PRIMPOL: variants seen among roughly 807,000 people sequenced by gnomAD.
The protein encoded by PRIMPOL is DNA-directed primase/polymerase protein.
Under a neutral mutation model 63.6 loss-of-function variants are expected in PRIMPOL, and 54 were observed. That is an observed-to-expected ratio of 0.85 (90% confidence interval 0.68 to 1.07). The LOEUF (loss-of-function observed/expected upper bound fraction) is 1.07, where lower values mean the gene tolerates loss of function less well. Ranked by LOEUF, PRIMPOL falls within the 50% of genes least tolerant of loss-of-function variation. The probability of loss-of-function intolerance (pLI) is 0.00; values close to 1 mark genes in which losing one functional copy is unlikely to be tolerated. For missense variants in PRIMPOL, 610 were observed against 648.3 expected (o/e 0.94, Z 0.64); for synonymous variants, 197 against 220.2 (o/e 0.89, Z 0.93).
At chr4:184,671,985 C>T (rs1751876047) in intron 6 of PRIMPOL, among the ~76,000 whole-genome samples, 188 bp from the exon 7 acceptor site, 2 of 152,170 alleles carry the variant, frequency 1.3e-5, no homozygotes, top group African/African-American at 4.8e-5. Flanking sequence ...TGTGATCCGC[C>T]CGCCTCGGCC....
chr4:184,668,617 AT>A (rs1322213000), intron 6 of PRIMPOL, among the ~76,000 whole-genome samples: 1 of 151,980 alleles, frequency 6.6e-6, no homozygotes, highest in Non-Finnish European at 1.5e-5. Context: ...GCCTGTTAGG[AT>A]TCTGTAGACG....
intron 2 of PRIMPOL, among the ~76,000 whole-genome samples, chr4:184,654,389 G>T (rs1041481271): frequency 1.3e-5 from 2 of 151,396 alleles, no homozygotes; most frequent in South Asian, 4.2e-4. Context: ...GCAGATCAAA[G>T]TAACTGAATA....
chr4:184,674,656 T>C (rs969269717), intron 7 of PRIMPOL, among the ~76,000 whole-genome samples: 18 of 152,340 alleles, frequency 1.2e-4, no homozygotes, highest in Middle Eastern at 3.4e-3. Context: ...GGAAGCCTCA[T>C]TGATAACATA....
Position 184,672,341 on chromosome 4 carries a change from G to A in PRIMPOL, c.725G>A (p.Ser242Asn). The A allele has an allele frequency of 6.2e-7, 1 of 1,614,188 alleles. No individual in the cohort carries two copies. Among genetic ancestry groups the A allele is most frequent in the African/African-American group, 1.3e-5 (1 of 75,060 alleles). Residue 242 changes from serine (S) to asparagine (N), a missense_variant, in exon 7 of 14, where the codon AGC (serine) becomes AAC (asparagine). Ser to Asn is a conservative substitution (Grantham distance 46). Transcript: ENST00000314970. ...TTCACAGAAAAGGCTACAGAGGAAAGCTGGACATCGAATTCAAAGAAACTG... is the reference window on the plus strand; with the variant it reads ...TTCACAGAAAAGGCTACAGAGGAAAACTGGACATCGAATTCAAAGAAACTG... ...KMFTEKATEE[S>N]WTSNSKKLER...
intron 1 of PRIMPOL, among the ~76,000 whole-genome samples, 185 bp from the exon 2 acceptor site, chr4:184,651,838 G>A (rs1293989311): frequency 6.6e-6 from 1 of 152,132 alleles, no homozygotes; most frequent in African/African-American, 2.4e-5. Flanking sequence ...TAGTAGAGAT[G>A]GGGTTTCACC....
intron 8 of PRIMPOL, among the ~76,000 whole-genome samples, chr4:184,681,909 C>A (rs920448061): frequency 1.2e-4 from 19 of 152,108 alleles, no homozygotes; most frequent in African/African-American, 4.6e-4. Context: ...TACTTTTGAT[C>A]TGCTGTTGGT....
chr4:184,690,311 CAT>C (rs1254958259), intron 11 of PRIMPOL, among the ~76,000 whole-genome samples: 2 of 151,558 alleles, frequency 1.3e-5, no homozygotes, highest in African/African-American at 2.4e-5. Flanking sequence ...TTCTTAAAAA[CAT>C]ATGATGCATT....
rs1370053664 is a variant in PRIMPOL at position 184,694,936 on chromosome 4, A to G, written c.*157A>G. 3.2e-6 allele frequency: 2 copies of G among 622,266 alleles called. No individual in the cohort carries two copies. Among genetic ancestry groups the G allele is most frequent in the African/African-American group, 1.8e-5 (1 of 54,428 alleles). The allele number at this position is 622,266 out of a possible 1,614,324, so 38.5% of individuals were successfully genotyped here. A position where few individuals can be genotyped will look rare whatever the true frequency, so the allele number is the denominator to read the frequency against. ...CTTCTGTAAACCAATTTCATTAAAAATTAGCTTTGGTGTAAATTCAGGAGA... is the reference window on the plus strand; with the variant it reads ...CTTCTGTAAACCAATTTCATTAAAAGTTAGCTTTGGTGTAAATTCAGGAGA... On this transcript the variant is annotated 3_prime_UTR_variant, in exon 14 of 14. Coordinates refer to ENST00000314970, the MANE Select transcript of PRIMPOL (RefSeq NM_152683.4).
intron 2 of PRIMPOL, among the ~76,000 whole-genome samples, chr4:184,653,533 G>A (rs756081360): frequency 2.0e-5 from 3 of 152,154 alleles, no homozygotes; most frequent in Non-Finnish European, 4.4e-5. Flanking sequence ...TTGTTTTTTA[G>A]TAGAGATGGG....
chr4:184,654,600 A>G (rs4862400), intron 2 of PRIMPOL, among the ~76,000 whole-genome samples: 151,768 of 151,928 alleles, frequency 1, 75,805 homozygotes, highest in Middle Eastern at 1. Context: ...ACAGGCACCC[A>G]CCACCACGCC....
intron 13 of PRIMPOL, among the ~76,000 whole-genome samples, chr4:184,692,667 T>C (rs913138905): frequency 5.3e-5 from 8 of 151,960 alleles, no homozygotes; most frequent in South Asian, 2.1e-4. Flanking sequence ...CAGTTTTTTT[T>C]CTAAAGTATC....
chr4:184,678,313 A>G lies in PRIMPOL; in HGVS notation c.926A>G (p.Asp309Gly). The G allele has an allele frequency of 6.2e-7, 1 of 1,608,754 alleles. No individual in the cohort carries two copies. Among genetic ancestry groups the G allele is most frequent in the Non-Finnish European group, 8.5e-7 (1 of 1,178,064 alleles). ...CGTGTGGCTTTGGAGGTTACTGAAG[A>G]TAACAAATTTTTTCCTATACAGTCA... ...GKRVALEVTE[D>G]NKFFPIQSKD... Residue 309 changes from aspartate (D) to glycine (G), a missense_variant, in exon 8 of 14, where the codon GAT (aspartate) becomes GGT (glycine). This residue lies in a region of PRIMPOL where 444 missense variants were observed against 456.4 expected (regional missense o/e 0.97). Transcript: ENST00000314970.
chr4:184,655,929 C>G (rs760393923), intron 2 of PRIMPOL, among the ~76,000 whole-genome samples: 9 of 152,138 alleles, frequency 5.9e-5, no homozygotes, highest in Non-Finnish European at 1.2e-4. Flanking sequence ...AACTTACTGG[C>G]TTAAAAAAGA....
chr4:184,665,639 G>A lies in PRIMPOL; in HGVS notation c.409-278G>A, dbSNP rs370055396. On this transcript the variant is annotated intron_variant, in intron 5 of 13. Coordinates refer to ENST00000314970, the MANE Select transcript of PRIMPOL (RefSeq NM_152683.4). Reference sequence around the variant, plus strand: ...CTGCCTCGGCCTCCTGAGTAGCTGGGACTTATAGACACCTGCCACCACGCC... The same window carrying A: ...CTGCCTCGGCCTCCTGAGTAGCTGGAACTTATAGACACCTGCCACCACGCC... Among the ~76,000 whole-genome samples, 4 of 152,024 alleles carry A rather than the reference G, an allele frequency of 2.6e-5. No individual in the cohort carries two copies. The East Asian group carries it at 7.7e-4, about 29-fold the overall frequency.
intron 7 of PRIMPOL, among the ~76,000 whole-genome samples, chr4:184,673,161 G>A (rs1203827783): frequency 3.5e-5 from 5 of 141,204 alleles, no homozygotes; most frequent in East Asian, 4.1e-4. Context: ...ACGGAGTCCC[G>A]CTCTTTAGCC....
rs1397346659 is a variant in PRIMPOL at position 184,665,680 on chromosome 4, G to T, written c.409-237G>T. On this transcript the variant is annotated intron_variant, in intron 5 of 13. Transcript: ENST00000314970. ...CCACCACGCCTGGCTAATTTTTATG[G>T]TTTTAGTAGAGACTGGGTTTTACCA... Among the ~76,000 whole-genome samples the T allele has an allele frequency of 1.3e-5, 2 of 151,688 alleles. 1 individual carries two copies. Among genetic ancestry groups the T allele is most frequent in the Non-Finnish European group, 2.9e-5 (2 of 67,954 alleles).
chr4:184,657,327 T>C lies in PRIMPOL; in HGVS notation c.180+7T>C. On this transcript the variant is annotated splice_region_variant and intron_variant, in intron 3 of 13. Coordinates refer to ENST00000314970, the MANE Select transcript of PRIMPOL (RefSeq NM_152683.4). ...TGTTAAAAGCTGTAAAGAAGTAATT[T>C]CCTCCTCCTCCTCTTCTTCTTCCTC... 2.5e-6 allele frequency: 4 copies of C among 1,587,168 alleles called. No individual in the cohort carries two copies. Among genetic ancestry groups the C allele is most frequent in the Non-Finnish European group, 3.4e-6 (4 of 1,163,248 alleles).
intron 13 of PRIMPOL, 118 bp downstream of exon 13, chr4:184,691,830 T>C (rs1758629315): frequency 4.1e-6 from 3 of 723,412 alleles, no homozygotes; most frequent in East Asian, 5.0e-5. Flanking sequence ...TGTTTTCACT[T>C]ATGACTGTAT....
chr4:184,661,610 G>A (rs1748331771), intron 4 of PRIMPOL, among the ~76,000 whole-genome samples, 164 bp from the exon 5 acceptor site: 1 of 152,152 alleles, frequency 6.6e-6, no homozygotes, highest in Admixed American at 6.5e-5. Context: ...GGAGGCTGAG[G>A]CAGGAGAATC....
Sources: allele counts gnomAD v4.1 joint callset (sites outside exome capture counted in the v4.1 genomes callset), GRCh38; gene constraint gnomAD v4.1.1; regional missense constraint gnomAD v4.1.1; transcripts MANE v1.5; gene names NCBI Gene and HGNC (gene_info 2026-07-23, HGNC 2026-07-21).